F3: variants seen among roughly 807,000 people sequenced by gnomAD.
The protein encoded by F3 is coagulation factor III, tissue factor.
F3 carries 18 observed loss-of-function variants against 33.5 expected under a neutral mutation model. The ratio of observed to expected loss-of-function variants is 0.54; its 90% CI spans 0.37 to 0.80. The LOEUF (loss-of-function observed/expected upper bound fraction) is 0.80, where lower values mean the gene tolerates loss of function less well. F3 is among the 30% of genes least tolerant of loss of function. F3 has a pLI of 0.00. For synonymous variants in F3, 147 were observed against 140.7 expected (o/e 1.05, Z -0.32); for missense variants, 353 against 362.1 (o/e 0.97, Z 0.20).
chr1:94,532,885 T>A, intron 4 of F3: 1 of 599,482 alleles, frequency 1.7e-6, no homozygotes, highest in Non-Finnish European at 2.8e-6. Context: ...GAGGGGGCCC[T>A]GCCCAGAGTC....
Position 94,541,614 on chromosome 1 carries a change from CG to C in F3, c.22del (p.Arg8GlyfsTer37). On this transcript the variant is annotated frameshift_variant, in exon 1 of 6. Transcript: ENST00000334047. LOFTEE classifies it high-confidence loss of function. ...GACGGCGGTCTCGGGGCGCGGGACC[CG>C]GGGCCAGGCAGGGGTCTCCATGTCT... The part of the protein sequence containing the change: METPAWP[R>X]VPRPETAVAR... 6 of 1,453,590 alleles carry C rather than the reference CG, an allele frequency of 4.1e-6. No individual in the cohort carries two copies. Among genetic ancestry groups the C allele is most frequent in the Middle Eastern group, 1.9e-4 (1 of 5,224 alleles). 90.0% of individuals were successfully genotyped at this position (1,453,590 alleles called of 1,614,324 possible).
chr1:94,532,169 A>T, intron 5 of F3, 152 bp downstream of exon 5: 2 of 807,674 alleles, frequency 2.5e-6, no homozygotes, highest in Non-Finnish European at 3.8e-6. Flanking sequence ...CAAAACCAAA[A>T]CAAACAAATA....
At chr1:94,536,301 G>A in intron 2 of F3, 137 bp from the exon 3 acceptor site, 1 of 752,184 alleles carries the variant, frequency 1.3e-6, no homozygotes, top group Admixed American at 2.4e-5. Context: ...CAGTCACTGT[G>A]CTGAGCACTT....
At chr1:94,537,760 T>A (rs1171533841) in intron 2 of F3, among the ~76,000 whole-genome samples, 1 of 152,168 alleles carries the variant, frequency 6.6e-6, no homozygotes, top group Non-Finnish European at 1.5e-5. Flanking sequence ...TACTGAAATA[T>A]TTTGGTTTCT....
intron 1 of F3, chr1:94,540,721 C>A: frequency 5.0e-6 from 1 of 199,536 alleles, no homozygotes; most frequent in Non-Finnish European, 1.0e-5. Context: ...GTTCAGCCCG[C>A]CAGGAAGGGT....
chr1:94,536,298 T>C, intron 2 of F3, 134 bp from the exon 3 acceptor site: 2 of 765,000 alleles, frequency 2.6e-6, no homozygotes, highest in Non-Finnish European at 4.3e-6. Flanking sequence ...ATGCAGTCAC[T>C]GTGCTGAGCA....
chr1:94,539,634 C>G (rs1441542065), intron 2 of F3, among the ~76,000 whole-genome samples: 1 of 152,146 alleles, frequency 6.6e-6, no homozygotes, highest in East Asian at 1.9e-4. Flanking sequence ...GAATTATCGC[C>G]TCCTGGGGAC....
In F3 at chr1:94,541,743, G is replaced by A; in HGVS notation, c.-107C>T. 3.4e-6 allele frequency: 2 copies of A among 596,474 alleles called. No individual in the cohort carries two copies. The highest frequency in any genetic ancestry group is 5.1e-6 in the Non-Finnish European group (2 of 395,346). The allele number at this position is 596,474 out of a possible 1,614,324, so 36.9% of individuals were successfully genotyped here. A position where few individuals can be genotyped will look rare whatever the true frequency, so the allele number is the denominator to read the frequency against. On this transcript the variant is annotated 5_prime_UTR_variant, in exon 1 of 6. Transcript: ENST00000334047. ...GGCCAGAGGGAGTGCGAGGGGGTGC[G>A]GGGAGCTCGCAGTCTTGGGGAGCCG...
At position 94,540,360 on chromosome 1, in the gene F3, T is replaced by G. The variant is rs757714054; in HGVS notation, c.109A>C (p.Asn37His). ...AQVAGASGTT[N>H]TVAAYNLTWK... Reference sequence around the variant, plus strand: ...GTTAAATTATATGCTGCCACAGTATTTGTAGTGCCTTTAAACAACAGAGAA... The same window carrying G: ...GTTAAATTATATGCTGCCACAGTATGTGTAGTGCCTTTAAACAACAGAGAA... The change falls in exon 2 of 6, where the codon AAT becomes CAT. Residue 37 changes from asparagine to histidine, a missense_variant. Coordinates refer to ENST00000334047, the MANE Select transcript of F3 (RefSeq NM_001993.5). 3 of 1,610,568 alleles carry G rather than the reference T, an allele frequency of 1.9e-6. No individual in the cohort carries two copies. Among genetic ancestry groups the G allele is most frequent in the Non-Finnish European group, 2.5e-6 (3 of 1,177,030 alleles).
Position 94,536,135 on chromosome 1 carries a change from C to T in F3, c.242G>A (p.Cys81Tyr). Residue 81 changes from cysteine to tyrosine, a missense_variant, in exon 3 of 6, where the codon TGC becomes TAC. Transcript: ENST00000334047. ...STKSGDWKSKCFYTTDTECDL... is the reference protein window; with the variant it reads ...STKSGDWKSKYFYTTDTECDL... ...ACACTCTGTGTCTGTTGTGTAAAAG[C>T]ATTTGCTTTTCCAATCTCCTGACTT... 1 of 1,614,110 alleles carries T rather than the reference C, an allele frequency of 6.2e-7. No individual in the cohort carries two copies. The highest frequency in any genetic ancestry group is 8.5e-7 in the Non-Finnish European group (1 of 1,180,024).
rs753156613 is a variant in F3 at position 94,536,025 on chromosome 1, T to C, written c.352A>G (p.Thr118Ala). 6.2e-7 allele frequency: 1 copy of C among 1,614,156 alleles called. No homozygotes were observed. The highest frequency in any genetic ancestry group is 1.1e-5 in the South Asian group (1 of 91,076). Reference sequence around the variant, plus strand: ...TACAGAGGCTCCCCAGCAGAACCGGTGCTCTCCACATTCCCTGCCGGGTAG... The same window carrying C: ...TACAGAGGCTCCCCAGCAGAACCGGCGCTCTCCACATTCCCTGCCGGGTAG... ...FSYPAGNVES[T>A]GSAGEPLYEN... Residue 118 changes from threonine to alanine, a missense_variant, in exon 3 of 6, where the codon ACC becomes GCC. Thr to Ala is a moderately conservative substitution (Grantham distance 58). Transcript: ENST00000334047.
Position 94,536,181 on chromosome 1 carries a change from A to G in F3, c.213-17T>C. ...GACTTAGTGCTAAAGAAAGAAAAGAAGGAAGAAACATAAATGGAATGTTAC... is the reference window on the plus strand; with the variant it reads ...GACTTAGTGCTAAAGAAAGAAAAGAGGGAAGAAACATAAATGGAATGTTAC... On this transcript the variant is annotated splice_polypyrimidine_tract_variant and intron_variant, in intron 2 of 5. Transcript: ENST00000334047. The G allele has an allele frequency of 6.2e-7, 1 of 1,611,126 alleles. No individual in the cohort carries two copies. The highest frequency in any genetic ancestry group is 1.3e-5 in the African/African-American group (1 of 75,022).
chr1:94,538,646 G>C (rs898652899), intron 2 of F3, among the ~76,000 whole-genome samples: 1 of 152,186 alleles, frequency 6.6e-6, no homozygotes, highest in Non-Finnish European at 1.5e-5. Flanking sequence ...GACCTGACAT[G>C]GGCACTCACC....
chr1:94,533,050 A>G lies in F3; in HGVS notation c.591+40T>C, dbSNP rs749904163. 13 of 1,592,838 alleles carry G rather than the reference A, an allele frequency of 8.2e-6. No individual in the cohort carries two copies. The South Asian group carries it at 1.0e-4, about 13-fold the overall frequency. On this transcript the variant is annotated intron_variant, in intron 4 of 5. Coordinates refer to ENST00000334047, the MANE Select transcript of F3 (RefSeq NM_001993.5). Reference sequence around the variant, plus strand: ...GGGTTGTAAAACCCAAGTATTCACAATTTAAAACAGGTCATAAAAACAAAT... The same window carrying G: ...GGGTTGTAAAACCCAAGTATTCACAGTTTAAAACAGGTCATAAAAACAAAT...
chr1:94,530,538 CAGGATGATGACA>C lies in F3; in HGVS notation c.798_809del (p.Val267_Leu270del). 15 of 1,614,030 alleles carry C rather than the reference CAGGATGATGACA, an allele frequency of 9.3e-6. No homozygotes were observed. Among genetic ancestry groups the C allele is most frequent in the Non-Finnish European group, 1.3e-5 (15 of 1,180,018 alleles). ...TTCTACACTTGTGTAGAGATATAGC[CAGGATGATGACA>C]AGGATGATGACCACAAATACCACAG... On this transcript the variant is annotated inframe_deletion, in exon 6 of 6. Transcript: ENST00000334047.
rs1170869851 is a variant in F3, at chr1:94,530,342, G to T, written c.*118C>A. 1 of 1,325,972 alleles carries T rather than the reference G, an allele frequency of 7.5e-7. No individual in the cohort carries two copies. The highest frequency in any genetic ancestry group is 1.5e-5 in the African/African-American group (1 of 68,490). 82.1% of individuals were successfully genotyped at this position (1,325,972 alleles called of 1,614,324 possible). A position where few individuals can be genotyped will look rare whatever the true frequency, so the allele number is the denominator to read the frequency against. On this transcript the variant is annotated 3_prime_UTR_variant, in exon 6 of 6. Coordinates refer to ENST00000334047, the MANE Select transcript of F3 (RefSeq NM_001993.5). ...TAACAGGTCATATCAAGAGTTTTTT[G>T]AACTCCAGGGTCTTCATGCTCCGAA...
rs192175026 is a variant in F3 at position 94,533,576 on chromosome 1, T to C, written c.413-308A>G. Among the ~76,000 whole-genome samples, 511 of 152,300 alleles carry C rather than the reference T, an allele frequency of 3.4e-3. 2 individuals carry two copies. Among genetic ancestry groups the C allele is most frequent in the African/African-American group, 0.012 (496 of 41,560 alleles). ...ATATATTTTATTTAACCAAAGACAG[T>C]TGACCCCTGAACAACATGGGTTTGA... On this transcript the variant is annotated intron_variant, in intron 3 of 5. Coordinates refer to ENST00000334047, the MANE Select transcript of F3 (RefSeq NM_001993.5).
chr1:94,532,584 C>T, intron 4 of F3, 104 bp from the exon 5 acceptor site: 3 of 1,242,664 alleles, frequency 2.4e-6, no homozygotes, highest in African/African-American at 1.5e-5. Context: ...GCAAAGCCTA[C>T]AAGAACACAG....
chr1:94,534,814 C>A (rs1249036746), intron 3 of F3, among the ~76,000 whole-genome samples: 2 of 152,070 alleles, frequency 1.3e-5, no homozygotes, highest in Non-Finnish European at 2.9e-5. Flanking sequence ...CTTGCACCAA[C>A]AAAGGATTTG....
Sources: allele counts gnomAD v4.1 joint callset (sites outside exome capture counted in the v4.1 genomes callset), GRCh38; gene constraint gnomAD v4.1.1; transcripts MANE v1.5; gene names NCBI Gene and HGNC (gene_info 2026-07-23, HGNC 2026-07-21).